Variants in PCDHGA1 observed in about 807,000 individuals in gnomAD.
PCDHGA1 encodes protocadherin gamma-A1.
In PCDHGA1, 32 loss-of-function variants were observed where a neutral mutation model predicts 58.0. That is an observed-to-expected ratio of 0.55 (90% CI 0.42 to 0.74). The LOEUF (loss-of-function observed/expected upper bound fraction) is 0.74. Ranked by LOEUF, PCDHGA1 falls within the 30% of genes least tolerant of loss-of-function variation. The pLI, the probability that PCDHGA1 is intolerant of heterozygous loss-of-function variation, is 0.00. For synonymous variants in PCDHGA1, 498 were observed against 501.1 expected (o/e 0.99, Z 0.08); for missense variants, 1,205 against 1,182.3 (o/e 1.02, Z -0.28).
chr5:141,390,500 C>G (rs2092162714), intron 1 of PCDHGA1: 3 of 614,492 alleles, frequency 4.9e-6, no homozygotes, highest in Non-Finnish European at 8.3e-6. Context: ...TTTAGCCAAG[C>G]TTAGATTTAT....
intron 1 of PCDHGA1, among the ~76,000 whole-genome samples, chr5:141,473,922 A>T (rs1025156251): frequency 2.0e-5 from 3 of 152,182 alleles, no homozygotes; most frequent in South Asian, 2.1e-4. Flanking sequence ...GAAAACTATG[A>T]GCTGGGTGCA....
At chr5:141,351,506 G>C in intron 1 of PCDHGA1, 1 of 1,613,992 alleles carries the variant, frequency 6.2e-7, no homozygotes, top group Non-Finnish European at 8.5e-7. Flanking sequence ...AGACTACAAC[G>C]TCACAATCAT....
rs201085226 is a variant in PCDHGA1 at position 141,365,970 on chromosome 5, C to T, written c.2421+32865C>T. 2.6e-5 allele frequency: 42 copies of T among 1,614,138 alleles called. 1 individual carries two copies. The Admixed American group carries it at 4.3e-4, about 17-fold the overall frequency. On this transcript the variant is annotated intron_variant, in intron 1 of 3. Transcript: ENST00000517417. ...AACCCTCCACTTAGCAGCAACGTGT[C>T]GCTGAGCCTGTTTGTGCTGGACCAG...
intron 1 of PCDHGA1, among the ~76,000 whole-genome samples, chr5:141,444,152 ATTTTTTTTTTTTTTTTTTTTT>A (rs747671382): frequency 8.9e-5 from 3 of 33,882 alleles, no homozygotes; most frequent in Admixed American, 3.9e-4. Context: ...TGTGTACTGG[ATTTTTTTTTTTTTTTTTTTTT>A]TTTTTTTTTT....
rs1264688160 is a variant in PCDHGA1, at chr5:141,493,193, G to A, written c.2422-1614G>A. 6.6e-6 allele frequency among the ~76,000 whole-genome samples: 1 copy of A among 152,128 alleles called. No individual in the cohort carries two copies. On this transcript the variant is annotated intron_variant, in intron 1 of 3. Transcript: ENST00000517417. This position sits in a 1 kb window ranked among gnomAD's most constrained non-coding sequence, Gnocchi z 4.3. ...GAGAAACTTACTATATAACTCCTTT[G>A]AGAACCTCATCTCATTTGCTCTTCC...
chr5:141,351,300 C>G (rs1291549829), intron 1 of PCDHGA1: 1 of 1,613,856 alleles, frequency 6.2e-7, no homozygotes. Flanking sequence ...ACATTCATGT[C>G]CTTCTCTAAC....
intron 1 of PCDHGA1, chr5:141,414,287 C>G: frequency 6.2e-7 from 1 of 1,613,434 alleles, no homozygotes; most frequent in Non-Finnish European, 8.5e-7. Flanking sequence ...ACAGTCGTAG[C>G]CCTTTTAAAT....
intron 1 of PCDHGA1, among the ~76,000 whole-genome samples, chr5:141,482,832 G>A (rs2099573281): frequency 6.6e-6 from 1 of 152,188 alleles, no homozygotes; most frequent in Non-Finnish European, 1.5e-5. Flanking sequence ...AGCACTTTGG[G>A]AGGCCAAGGT....
chr5:141,486,879 G>A lies in PCDHGA1; in HGVS notation c.2422-7928G>A, dbSNP rs1371072899. 7 of 1,614,228 alleles carry A rather than the reference G, an allele frequency of 4.3e-6. No homozygotes were observed. Among genetic ancestry groups the A allele is most frequent in the Non-Finnish European group, 4.2e-6 (5 of 1,180,046 alleles). On this transcript the variant is annotated intron_variant, in intron 1 of 3. Coordinates refer to ENST00000517417, the MANE Select transcript of PCDHGA1 (RefSeq NM_018912.3). The surrounding 1 kb of genome is among the most constrained non-coding windows in gnomAD (Gnocchi z 5.0). Reference sequence around the variant, plus strand: ...AATGCTCCAGCTGTGCTCCGTCCTCGGGCCCGGCCTGGTTCCTTATGTCCC... The same window carrying A: ...AATGCTCCAGCTGTGCTCCGTCCTCAGGCCCGGCCTGGTTCCTTATGTCCC...
In PCDHGA1 at chr5:141,491,715, G is replaced by A. The variant is rs1333909488; in HGVS notation, c.2422-3092G>A. 1 of 1,607,782 alleles carries A rather than the reference G, an allele frequency of 6.2e-7. No individual in the cohort carries two copies. Among genetic ancestry groups the A allele is most frequent in the Admixed American group, 1.7e-5 (1 of 58,966 alleles). On this transcript the variant is annotated intron_variant, in intron 1 of 3. Transcript: ENST00000517417. This position sits in a 1 kb window ranked among gnomAD's most constrained non-coding sequence, Gnocchi z 6.9. ...AGCGGAGCCAGGTGAGGGGCTCGGC[G>A]CCGCCCCGGGCGACCCCTGGGGGCG...
chr5:141,400,282 G>T (rs774476991), intron 1 of PCDHGA1: 2 of 1,613,974 alleles, frequency 1.2e-6, no homozygotes, highest in Non-Finnish European at 1.7e-6. Context: ...CAGCCCTGCC[G>T]CCTGGAGCTG....
rs57426385 is a variant in PCDHGA1 at position 141,415,740 on chromosome 5, G to GTTTTT, written c.2422-79039_2422-79035dup. 865 of 624,308 alleles carry GTTTTT rather than the reference G, an allele frequency of 1.4e-3. 3 individuals carry two copies. Among genetic ancestry groups the GTTTTT allele is most frequent in the South Asian group, 2.2e-3 (75 of 34,868 alleles). The allele number at this position is 624,308 out of a possible 1,614,324, so 38.7% of individuals were successfully genotyped here. A position where few individuals can be genotyped will look rare whatever the true frequency, so the allele number is the denominator to read the frequency against. ...TGAGTAGAATTTGATGTTTATTAAG[G>GTTTTT]TTTTTTTTTTTTTTTTTTTTTTTTT... is the stretch of plus-strand genomic sequence containing the variant. On this transcript the variant is annotated intron_variant, in intron 1 of 3. Transcript: ENST00000517417.
At chr5:141,433,266 T>C in intron 1 of PCDHGA1, 1 of 1,315,306 alleles carries the variant, frequency 7.6e-7, no homozygotes, top group Non-Finnish European at 1.1e-6. Flanking sequence ...CGATCATAGC[T>C]CACTGCAGCC....
intron 1 of PCDHGA1, among the ~76,000 whole-genome samples, chr5:141,460,889 G>A (rs901987902): frequency 3.3e-5 from 5 of 150,280 alleles, no homozygotes; most frequent in East Asian, 3.9e-4. Flanking sequence ...ATGCCTTTTC[G>A]TGGCTGAGTA....
intron 1 of PCDHGA1, among the ~76,000 whole-genome samples, chr5:141,482,592 C>T (rs187714622): frequency 1.0e-4 from 15 of 142,934 alleles, no homozygotes; most frequent in East Asian, 6.1e-4. Context: ...TGGGACCAAA[C>T]GGGAAAAAAC....
chr5:141,451,009 T>C (rs1437016950), intron 1 of PCDHGA1, among the ~76,000 whole-genome samples: 1 of 151,566 alleles, frequency 6.6e-6, no homozygotes, highest in East Asian at 1.9e-4. Context: ...GTATTTTTTT[T>C]AGTAGAGACG....
At chr5:141,470,872 T>TTTTTTG (rs900302332) in intron 1 of PCDHGA1, among the ~76,000 whole-genome samples, 2 of 151,814 alleles carry the variant, frequency 1.3e-5, no homozygotes, top group Admixed American at 1.3e-4. Context: ...GTTTGTTTGT[T>TTTTTTG]TTTTTGTTTT....
intron 1 of PCDHGA1, chr5:141,478,557 G>A (rs1316386006): frequency 1.2e-6 from 2 of 1,600,016 alleles, no homozygotes; most frequent in Non-Finnish European, 1.7e-6. Context: ...GTAAGGTTTA[G>A]CAAGTCATGC....
rs2099612736 is a variant in PCDHGA1 at position 141,485,393 on chromosome 5, C to T, written c.2422-9414C>T. The T allele has an allele frequency of 6.2e-7, 1 of 1,614,154 alleles. No homozygotes were observed. The highest frequency in any genetic ancestry group is 1.7e-5 in the Admixed American group (1 of 60,020). ...GGTCGCTGGAGAGGTGAACCAAAGA[C>T]ACTTCCGTGTGGATTTGGACAGCGG... On this transcript the variant is annotated intron_variant, in intron 1 of 3. Coordinates refer to ENST00000517417, the MANE Select transcript of PCDHGA1 (RefSeq NM_018912.3). The surrounding 1 kb of genome is among the most constrained non-coding windows in gnomAD (Gnocchi z 5.7).
Sources: gnomAD v4.1 joint callset for allele counts (sites outside exome capture counted in the v4.1 genomes callset) on GRCh38, gnomAD v4.1.1 for gene constraint, Gnocchi (gnomAD v3.1) non-coding constraint, MANE v1.5 for transcripts, NCBI Gene and HGNC (gene_info 2026-07-23, HGNC 2026-07-21) for gene names.